The following PRMT8 variants were observed in gnomAD, a reference collection of about 807,000 sequenced individuals.
PRMT8 encodes the protein protein arginine methyltransferase 8.
In PRMT8, 7 loss-of-function variants were observed where a neutral mutation model predicts 47.1. That is an observed-to-expected ratio of 0.15 (90% CI 0.08 to 0.28). The LOEUF (loss-of-function observed/expected upper bound fraction) is 0.28. PRMT8 is among the 10% of genes least tolerant of loss of function. The pLI is 1.00. For missense variants in PRMT8, 237 were observed against 505.4 expected (o/e 0.47, Z 5.09); for synonymous variants, 188 against 186.5 (o/e 1.01, Z -0.07).
At position 3,592,295 on chromosome 12, in the gene PRMT8, C is replaced by A; in HGVS notation, c.1044C>A (p.Val348=). 2 of 1,598,960 alleles carry A rather than the reference C, an allele frequency of 1.3e-6. No homozygotes were observed. The highest frequency in any genetic ancestry group is 8.5e-7 in the Non-Finnish European group (1 of 1,173,888). ...TVFYLEDYLT[V]RRGEEIYGTI... ...TCTACTTGGAAGATTACCTCACTGT[C>A]CGGAGGGGGGAGGAAATCTACGGGA... Residue 348 remains valine (V), a synonymous_variant, in exon 9 of 10, where the codon GTC becomes GTA. Coordinates refer to ENST00000382622, the MANE Select transcript of PRMT8 (RefSeq NM_019854.5).
chr12:3,478,528 G>A (rs76668514), intron 1 of PRMT8, among the ~76,000 whole-genome samples: 1,571 of 152,320 alleles, frequency 0.01, 30 homozygotes, highest in African/African-American at 0.036. Context: ...TCCCTCAGAT[G>A]ACATGAAAGG....
chr12:3,554,074 C>T (rs150153339), intron 4 of PRMT8, among the ~76,000 whole-genome samples: 21 of 152,290 alleles, frequency 1.4e-4, no homozygotes, highest in Middle Eastern at 3.4e-3. Flanking sequence ...CCATGAGCCC[C>T]GACCCAATGT....
Position 3,451,036 on chromosome 12 carries a change from C to T in PRMT8, c.48+69594C>T, listed in dbSNP as rs1490808143. Among the ~76,000 whole-genome samples the T allele has an allele frequency of 6.4e-4, 5 of 7,870 alleles. 1 individual carries two copies. Among genetic ancestry groups the T allele is most frequent in the East Asian group, 5.4e-3 (1 of 186 alleles). 5.2% of individuals were successfully genotyped at this position (7,870 alleles called of 152,430 possible). The stretch of plus-strand genomic sequence containing the variant: ...AAGCAGTTTTGATCTTGCTGACACC[C>T]CCCCCCCCCCCCCCCCCCCGCCGAA... On this transcript the variant is annotated intron_variant, in intron 1 of 9. Coordinates refer to the PRMT8 transcript ENST00000452611.
intron 1 of PRMT8, among the ~76,000 whole-genome samples, chr12:3,393,142 A>G (rs892307809): frequency 1.3e-5 from 2 of 151,632 alleles, no homozygotes; most frequent in Non-Finnish European, 2.9e-5. Flanking sequence ...GGTTGTGAAA[A>G]TTTTCTCCCA....
intron 1 of PRMT8, among the ~76,000 whole-genome samples, chr12:3,411,035 G>T (rs566282337): frequency 6.6e-6 from 1 of 152,324 alleles, no homozygotes; most frequent in South Asian, 2.1e-4. Flanking sequence ...CCTTAATTCA[G>T]CCAGGAATCG....
rs1366417375 is a variant in PRMT8, at chr12:3,493,353, T to A, written c.75+1653T>A. ...ATCGCCCACCCGCCGAAAGGGTTTC[T>A]AAAAATAGCCCAGGGCTTCAAGGCC... On this transcript the variant is annotated intron_variant, in intron 1 of 9. Transcript: ENST00000382622. The surrounding 1 kb of genome is among the most constrained non-coding windows in gnomAD (Gnocchi z 8.2). Among the ~76,000 whole-genome samples the A allele has an allele frequency of 6.6e-6, 1 of 152,340 alleles. No individual in the cohort carries two copies. Among genetic ancestry groups the A allele is most frequent in the East Asian group, 1.9e-4 (1 of 5,178 alleles).
rs761880643 is a variant in PRMT8, at chr12:3,577,083, TG to T, written c.828+99del. On this transcript the variant is annotated intron_variant, in intron 7 of 9. Transcript: ENST00000382622. ...TGCCGGCTCCTGCACAGCCCCCACC[TG>T]GTGAGGCAAGGCTGCCTTGGCCAGA... 585 of 1,037,042 alleles carry T rather than the reference TG, an allele frequency of 5.6e-4. 1 individual carries two copies. Among genetic ancestry groups the T allele is most frequent in the Non-Finnish European group, 5.5e-4 (372 of 677,328 alleles). 64.2% of individuals were successfully genotyped at this position (1,037,042 alleles called of 1,614,324 possible).
intron 2 of PRMT8, among the ~76,000 whole-genome samples, chr12:3,541,594 T>G (rs1004693658): frequency 1.3e-5 from 2 of 152,192 alleles, no homozygotes; most frequent in South Asian, 2.1e-4. Flanking sequence ...AAGAAAAAAT[T>G]GAAAAAGGAA....
Position 3,540,638 on chromosome 12 carries a change from C to CCCCCCCGG in PRMT8, c.108_109insCCCCCCGG (p.Val37ProfsTer32). On this transcript the variant is annotated frameshift_variant, in exon 2 of 10. Transcript: ENST00000382622. LOFTEE classifies it high-confidence loss of function. Reference sequence around the variant, plus strand: ...GCCCCCCCTCCCAGCCCCCCCAGCCCGTCGTCCCTGCTAAGCCCGTGCAAT... The same window carrying CCCCCCCGG: ...GCCCCCCCTCCCAGCCCCCCCAGCCCCCCCCCGGGTCGTCCCTGCTAAGCCCGTGCAAT... 6.3e-7 allele frequency: 1 copy of CCCCCCCGG among 1,589,446 alleles called. No individual in the cohort carries two copies. The highest frequency in any genetic ancestry group is 8.6e-7 in the Non-Finnish European group (1 of 1,158,708).
chr12:3,440,622 C>G (rs1864790772), intron 1 of PRMT8, among the ~76,000 whole-genome samples: 1 of 152,074 alleles, frequency 6.6e-6, no homozygotes, highest in Non-Finnish European at 1.5e-5. Flanking sequence ...CAGTGGCCTC[C>G]TGACTAGTTT....
At chr12:3,473,971 A>G (rs149881713) in intron 1 of PRMT8, among the ~76,000 whole-genome samples, 2,016 of 151,752 alleles carry the variant, frequency 0.013, 51 homozygotes, top group African/African-American at 0.046. Flanking sequence ...TCCACTCCAG[A>G]CCCTGCCATT....
chr12:3,548,564 A>G (rs1866365250), intron 2 of PRMT8, among the ~76,000 whole-genome samples: 2 of 150,020 alleles, frequency 1.3e-5, no homozygotes, highest in Non-Finnish European at 3.0e-5. Flanking sequence ...TGAATAGCCA[A>G]TAAGCACATG....
intron 2 of PRMT8, among the ~76,000 whole-genome samples, chr12:3,544,108 A>G (rs1337212710): frequency 1.3e-5 from 2 of 152,220 alleles, no homozygotes; most frequent in African/African-American, 4.8e-5. Flanking sequence ...ATGGGCAGTC[A>G]TATATTTAAT....
rs563731786 is a variant in PRMT8, at chr12:3,456,959, G to C, written c.48+75517G>C. ...TTAAGGGGGTGGGGGCTCTGGCCTC[G>C]CTGACCTCGCCTGCCATGGCAACTG... On this transcript the variant is annotated intron_variant, in intron 1 of 9. Coordinates refer to the PRMT8 transcript ENST00000452611. The surrounding 1 kb of genome is among the most constrained non-coding windows in gnomAD (Gnocchi z 4.2). 6.6e-6 allele frequency among the ~76,000 whole-genome samples: 1 copy of C among 152,210 alleles called. No homozygotes were observed. The highest frequency in any genetic ancestry group is 6.5e-5 in the Admixed American group (1 of 15,294).
At chr12:3,532,611 CAAAAAAAAAA>C (rs35698030) in intron 1 of PRMT8, among the ~76,000 whole-genome samples, 374 of 24,650 alleles carry the variant, frequency 0.015, 6 homozygotes, top group African/African-American at 0.056. Context: ...GACTCCGTCT[CAAAAAAAAAA>C]AAAAAAAAAA....
chr12:3,443,266 G>A (rs931793225), intron 1 of PRMT8, among the ~76,000 whole-genome samples: 5 of 152,286 alleles, frequency 3.3e-5, no homozygotes, highest in Non-Finnish European at 7.4e-5. Context: ...TCCAGTGATA[G>A]CATTAAACTT....
intron 1 of PRMT8, among the ~76,000 whole-genome samples, chr12:3,450,756 C>G (rs528185646): frequency 6.6e-6 from 1 of 152,288 alleles, no homozygotes; most frequent in African/African-American, 2.4e-5. Flanking sequence ...GTCACAGAGA[C>G]TATTTTAAAA....
In PRMT8 at chr12:3,570,124, T is replaced by C. The variant is rs962555991; in HGVS notation, c.712+560T>C. ...CAATCAAACGAAAGGCGAGTGTGCA[T>C]GTGTGCATGAGGCAGGGGCTCGTAT... On this transcript the variant is annotated intron_variant, in intron 6 of 9. Transcript: ENST00000382622. This position sits in a 1 kb window ranked among gnomAD's most constrained non-coding sequence, Gnocchi z 5.5. Among the ~76,000 whole-genome samples the C allele has an allele frequency of 1.3e-5, 2 of 151,446 alleles. No individual in the cohort carries two copies. Among genetic ancestry groups the C allele is most frequent in the Non-Finnish European group, 2.9e-5 (2 of 67,822 alleles).
At chr12:3,526,568 G>A (rs1046755459) in intron 1 of PRMT8, among the ~76,000 whole-genome samples, 4 of 152,124 alleles carry the variant, frequency 2.6e-5, no homozygotes, top group African/African-American at 9.7e-5. Flanking sequence ...CAACTTCTGG[G>A]TGTGAAGTGG....
Sources: gnomAD v4.1 joint callset for allele counts (sites outside exome capture counted in the v4.1 genomes callset) on GRCh38, gnomAD v4.1.1 for gene constraint, Gnocchi (gnomAD v3.1) non-coding constraint, MANE v1.5 for transcripts, NCBI Gene and HGNC (gene_info 2026-07-23, HGNC 2026-07-21) for gene names.